Variants in GAN observed in about 807,000 individuals in gnomAD.
GAN encodes the protein gigaxonin.
In GAN, 48 loss-of-function variants were observed where a neutral mutation model predicts 71.3. The observed-to-expected ratio is 0.67, with a 90% CI of 0.53 to 0.86. The LOEUF (loss-of-function observed/expected upper bound fraction) is 0.86. Ranked by LOEUF, GAN falls within the 40% of genes least tolerant of loss-of-function variation. The probability of loss-of-function intolerance (pLI) is 0.00; values close to 1 mark genes in which losing one functional copy is unlikely to be tolerated. For missense variants in GAN, 928 were observed against 770.1 expected (o/e 1.21, Z -2.43); for synonymous variants, 386 against 276.8 (o/e 1.39, Z -3.92).
rs1286556859 is a variant in GAN, at chr16:81,354,272, T to A, written c.283-133T>A. 9 of 676,032 alleles carry A rather than the reference T, an allele frequency of 1.3e-5. No individual in the cohort carries two copies. In the South Asian group the frequency reaches 1.6e-4, roughly 12 times the overall value. 41.9% of individuals were successfully genotyped at this position (676,032 alleles called of 1,614,324 possible). A position where few individuals can be genotyped will look rare whatever the true frequency, so the allele number is the denominator to read the frequency against. On this transcript the variant is annotated intron_variant, in intron 2 of 10. Coordinates refer to ENST00000648994, the MANE Select transcript of GAN (RefSeq NM_022041.4). ...AAAAAAAAAATGCTGGGTTAAACCA[T>A]ATGAAATTGCCAATATTCGATTATC...
chr16:81,334,710 G>A (rs1358019369), intron 1 of GAN, among the ~76,000 whole-genome samples: 5 of 152,154 alleles, frequency 3.3e-5, no homozygotes, highest in African/African-American at 7.2e-5. Flanking sequence ...TCTCATTTGA[G>A]GACAAACCAG....
rs553031092 is a variant in GAN, at chr16:81,384,053, A to G, written c.*6457A>G. ...TACCAGTCAACTTGGTTTAAATACA[A>G]CTGTACTAACTTGCTTTATCATGTT... is the stretch of plus-strand genomic sequence containing the variant. On this transcript the variant is annotated 3_prime_UTR_variant, in exon 11 of 11. Transcript: ENST00000648994. 1.3e-5 allele frequency: 2 copies of G among 152,242 alleles called. No homozygotes were observed. The highest frequency in any genetic ancestry group is 1.9e-4 in the East Asian group (1 of 5,184). The allele number at this position is 152,242 out of a possible 1,614,324, so 9.4% of individuals were successfully genotyped here.
At chr16:81,343,334 A>G (rs925138337) in intron 1 of GAN, among the ~76,000 whole-genome samples, 1 of 152,208 alleles carries the variant, frequency 6.6e-6, no homozygotes, top group South Asian at 2.1e-4. Flanking sequence ...TTTTAGGCCA[A>G]TATCCCTGAT....
chr16:81,344,657 C>T (rs961988232), intron 1 of GAN, among the ~76,000 whole-genome samples: 1 of 152,104 alleles, frequency 6.6e-6, no homozygotes, highest in East Asian at 1.9e-4. Context: ...CATAAAAATC[C>T]TAGAAGAAAA....
intron 1 of GAN, among the ~76,000 whole-genome samples, chr16:81,333,324 T>C (rs1391605307): frequency 6.6e-6 from 1 of 152,160 alleles, no homozygotes; most frequent in Non-Finnish European, 1.5e-5. Flanking sequence ...AGCAACACTT[T>C]GAGATTATGT....
At chr16:81,374,873 A>T (rs1904276290) in intron 9 of GAN, among the ~76,000 whole-genome samples, 1 of 152,254 alleles carries the variant, frequency 6.6e-6, no homozygotes, top group Non-Finnish European at 1.5e-5. Context: ...TAGTGGGGGA[A>T]AGAAAAGCCT....
At chr16:81,372,807 T>G (rs1415381591) in intron 9 of GAN, among the ~76,000 whole-genome samples, 1 of 152,242 alleles carries the variant, frequency 6.6e-6, no homozygotes, top group East Asian at 1.9e-4. Flanking sequence ...GTATTGTAGT[T>G]TGATGTTTTT....
chr16:81,383,631 T>C lies in GAN; in HGVS notation c.*6035T>C, dbSNP rs1904324601. ...AGCTGAAATTTGGCCTGATTATAAA[T>C]GTTGATAATAATTTCTTCCTGGCTC... On this transcript the variant is annotated 3_prime_UTR_variant, in exon 11 of 11. Transcript: ENST00000648994. 1 of 152,030 alleles carries C rather than the reference T, an allele frequency of 6.6e-6. No homozygotes were observed. Among genetic ancestry groups the C allele is most frequent in the African/African-American group, 2.4e-5 (1 of 41,384 alleles). The allele number at this position is 152,030 out of a possible 1,614,324, so 9.4% of individuals were successfully genotyped here. A position where few individuals can be genotyped will look rare whatever the true frequency, so the allele number is the denominator to read the frequency against.
At chr16:81,347,217 G>A (rs1567488308) in intron 1 of GAN, among the ~76,000 whole-genome samples, 1 of 152,226 alleles carries the variant, frequency 6.6e-6, no homozygotes, top group Non-Finnish European at 1.5e-5. Flanking sequence ...ACAACAGCCA[G>A]TGGCAATGAA....
chr16:81,325,444 C>A (rs552549808), intron 1 of GAN, among the ~76,000 whole-genome samples: 1 of 152,172 alleles, frequency 6.6e-6, no homozygotes, highest in African/African-American at 2.4e-5. Flanking sequence ...TGAATAGGAA[C>A]AGTGGCTGGG....
At chr16:81,353,225 G>T (rs951855415) in intron 2 of GAN, among the ~76,000 whole-genome samples, 1 of 150,050 alleles carries the variant, frequency 6.7e-6, no homozygotes, top group Non-Finnish European at 1.5e-5. Flanking sequence ...CCAGGGGGCG[G>T]AGCCTGCAGT....
At chr16:81,332,705 T>G (rs1909623806) in intron 1 of GAN, among the ~76,000 whole-genome samples, 2 of 152,220 alleles carry the variant, frequency 1.3e-5, no homozygotes, top group South Asian at 4.1e-4. Flanking sequence ...CCTCAGTCTT[T>G]CCTTGTCTTT....
chr16:81,376,462 CATATGTGTGT>C lies in GAN; in HGVS notation c.1503-756_1503-747del, dbSNP rs1474946935. ...TGGCAATATCCCATCTTTATACATA[CATATGTGTGT>C]GTGTGTGTGTGTGTGTGTGTGTGTG... On this transcript the variant is annotated intron_variant, in intron 9 of 10. Transcript: ENST00000648994. 2.7e-4 allele frequency among the ~76,000 whole-genome samples: 25 copies of C among 93,836 alleles called. No individual in the cohort carries two copies. The East Asian group carries it at 4.3e-3, about 16-fold the overall frequency. The allele number at this position is 93,836 out of a possible 152,430, so 61.6% of individuals were successfully genotyped here. A position where few individuals can be genotyped will look rare whatever the true frequency, so the allele number is the denominator to read the frequency against.
At chr16:81,359,693 C>T (rs1434994531) in intron 5 of GAN, among the ~76,000 whole-genome samples, 1 of 152,130 alleles carries the variant, frequency 6.6e-6, no homozygotes, top group African/African-American at 2.4e-5. Context: ...ATGAGGGATG[C>T]ATTCCAAGAC....
At chr16:81,337,302 A>G (rs1318680889) in intron 1 of GAN, among the ~76,000 whole-genome samples, 2 of 152,338 alleles carry the variant, frequency 1.3e-5, no homozygotes, top group South Asian at 2.1e-4. Context: ...ATTCGAAATC[A>G]TGAGTAATGC....
At chr16:81,357,047 A>C (rs1408325707) in intron 4 of GAN, 45 bp downstream of exon 4, 3 of 1,090,818 alleles carry the variant, frequency 2.8e-6, no homozygotes, top group Non-Finnish European at 4.3e-6. Flanking sequence ...GTATGGGAAG[A>C]GGTAGTTCCA....
At chr16:81,331,901 G>T (rs1909590351) in intron 1 of GAN, among the ~76,000 whole-genome samples, 1 of 152,194 alleles carries the variant, frequency 6.6e-6, no homozygotes, top group Non-Finnish European at 1.5e-5. Context: ...GGTGGCTCAT[G>T]CCTGTAATCC....
At chr16:81,357,322 G>A (rs1035128463) in intron 4 of GAN, among the ~76,000 whole-genome samples, 14 of 152,016 alleles carry the variant, frequency 9.2e-5, no homozygotes, top group Admixed American at 4.6e-4. Context: ...TGTTCTCATT[G>A]TTCAGTTCCC....
At chr16:81,340,208 G>A (rs576969675) in intron 1 of GAN, among the ~76,000 whole-genome samples, 84 of 152,144 alleles carry the variant, frequency 5.5e-4, no homozygotes, top group African/African-American at 1.2e-3. Context: ...CAAAGTGCCC[G>A]GATTACAGGC....
Sources: gnomAD v4.1 joint callset for allele counts (sites outside exome capture counted in the v4.1 genomes callset) on GRCh38, gnomAD v4.1.1 for gene constraint, MANE v1.5 for transcripts, NCBI Gene and HGNC (gene_info 2026-07-23, HGNC 2026-07-21) for gene names.